Variants in ZNF69 observed in about 807,000 individuals in gnomAD.
The protein encoded by ZNF69 is zinc finger protein 69.
A neutral mutation model predicts 50.9 loss-of-function variants in ZNF69; 47 were observed. The observed-to-expected ratio is 0.92, with a 90% CI of 0.73 to 1.18. ZNF69 has a LOEUF of 1.18. Among genes scored for constraint, ZNF69 ranks in the 50% most tolerant of loss-of-function variants. The pLI is 0.00. For synonymous variants in ZNF69, 216 were observed against 223.1 expected, an observed-to-expected ratio of 0.97 and a Z score of 0.29; for missense variants, 717 against 675.1, an observed-to-expected ratio of 1.06 and a Z score of -0.69.
At chr19:11,944,167 G>C in the ZNF69 span, among the ~76,000 whole-genome samples, 1 of 152,138 alleles carries the variant, frequency 6.6e-6, no homozygotes, top group African/African-American at 2.4e-5. Context: ...GAGATTGTTC[G>C]TGTAATTTTT....
the ZNF69 span, among the ~76,000 whole-genome samples, chr19:11,962,970 C>A: frequency 6.6e-6 from 1 of 152,034 alleles, no homozygotes; most frequent in Non-Finnish European, 1.5e-5. Context: ...GTAGGCCAAG[C>A]CTCTTATGTG....
the ZNF69 span, among the ~76,000 whole-genome samples, chr19:11,967,654 C>T: frequency 2.6e-5 from 4 of 152,188 alleles, no homozygotes; most frequent in Non-Finnish European, 4.4e-5. Context: ...CCACCCACCT[C>T]GGCCTCCCAA....
chr19:11,934,097 T>C, the ZNF69 span, among the ~76,000 whole-genome samples: 1 of 147,888 alleles, frequency 6.8e-6, no homozygotes, highest in Non-Finnish European at 1.5e-5. Flanking sequence ...AATTCCCAGC[T>C]ACATGGGAGA....
chr19:11,931,022 A>T, the ZNF69 span, among the ~76,000 whole-genome samples: 1 of 147,120 alleles, frequency 6.8e-6, no homozygotes, highest in Admixed American at 6.7e-5. Context: ...AACAACATAG[A>T]TGCCCTCGTT....
chr19:11,960,293 C>A, the ZNF69 span, among the ~76,000 whole-genome samples: 21 of 152,310 alleles, frequency 1.4e-4, no homozygotes, highest in African/African-American at 5.1e-4. Context: ...GCTGGGATTA[C>A]AGGCGTGCGC....
At chr19:11,971,231 G>T in the ZNF69 span, among the ~76,000 whole-genome samples, 4 of 152,194 alleles carry the variant, frequency 2.6e-5, no homozygotes, top group African/African-American at 7.2e-5. Flanking sequence ...CCGCTTCCTG[G>T]TTTGCAGATG....
chr19:11,892,750 G>A (rs1483804661), intron 1 of ZNF69, among the ~76,000 whole-genome samples: 2 of 152,212 alleles, frequency 1.3e-5, no homozygotes, highest in South Asian at 2.1e-4. Flanking sequence ...CTGGCTATGT[G>A]AAAGCTGTGT....
chr19:11,917,572 G>GT (rs1268408422), downstream of ZNF69, among the ~76,000 whole-genome samples: 2 of 151,984 alleles, frequency 1.3e-5, no homozygotes, highest in East Asian at 1.9e-4. Flanking sequence ...CCTCCCTTTT[G>GT]TTTTTTTACA....
At chr19:11,935,362 G>C in the ZNF69 span, among the ~76,000 whole-genome samples, 1 of 149,666 alleles carries the variant, frequency 6.7e-6, no homozygotes, top group Non-Finnish European at 1.5e-5. Context: ...TCAGCCTCCA[G>C]AGTAGGTGGG....
the ZNF69 span, among the ~76,000 whole-genome samples, chr19:11,958,192 C>G: frequency 6.6e-6 from 1 of 152,112 alleles, no homozygotes; most frequent in Non-Finnish European, 1.5e-5. Context: ...TTTGACTCGT[C>G]CTGAGTTGTA....
At chr19:11,948,221 A>T in the ZNF69 span, 20 of 1,558,210 alleles carry the variant, frequency 1.3e-5, no homozygotes, top group South Asian at 2.4e-4. Context: ...CTTGTTGATT[A>T]ATATAGAAGT....
At chr19:11,968,512 G>A in the ZNF69 span, among the ~76,000 whole-genome samples, 1 of 152,162 alleles carries the variant, frequency 6.6e-6, no homozygotes, top group Non-Finnish European at 1.5e-5. Context: ...AAAGTGCTGG[G>A]ATTATAGACA....
the ZNF69 span, chr19:11,956,785 C>T: frequency 2.7e-5 from 10 of 373,340 alleles, no homozygotes; most frequent in African/African-American, 4.2e-5. Flanking sequence ...GAACTCGGGG[C>T]GGAGGCTGCA....
At chr19:11,911,870 G>C (rs1210599767) in intron 4 of ZNF69, among the ~76,000 whole-genome samples, 1 of 152,150 alleles carries the variant, frequency 6.6e-6, no homozygotes, top group African/African-American at 2.4e-5. Context: ...ATAAATGTAA[G>C]ATATGTGGGA....
the ZNF69 span, among the ~76,000 whole-genome samples, chr19:11,955,291 C>T: frequency 1.3e-5 from 2 of 151,998 alleles, no homozygotes; most frequent in African/African-American, 2.4e-5. Context: ...CGTGAGATAC[C>T]GTGCCCAGCC....
At chr19:11,954,194 G>A in the ZNF69 span, among the ~76,000 whole-genome samples, 16 of 152,260 alleles carry the variant, frequency 1.1e-4, no homozygotes, top group African/African-American at 3.1e-4. Context: ...ACCATTCCAG[G>A]GTAGGAAAGA....
chr19:11,895,847 G>C (rs889946409), intron 1 of ZNF69, among the ~76,000 whole-genome samples: 32 of 152,188 alleles, frequency 2.1e-4, no homozygotes, highest in South Asian at 1.7e-3. Flanking sequence ...ACCATTTGTC[G>C]CTGCTTTTTC....
the ZNF69 span, among the ~76,000 whole-genome samples, chr19:11,944,200 G>A: frequency 1.3e-5 from 2 of 152,190 alleles, no homozygotes; most frequent in South Asian, 4.1e-4. Flanking sequence ...AGCTGTCGCT[G>A]TAACTTAATT....
the ZNF69 span, chr19:11,950,016 A>T: frequency 6.2e-7 from 1 of 1,613,962 alleles, no homozygotes; most frequent in African/African-American, 1.3e-5. Context: ...CTTCTTTTCA[A>T]ATACATGAAA....
Sources: gnomAD v4.1 joint callset for allele counts (sites outside exome capture counted in the v4.1 genomes callset) on GRCh38, gnomAD v4.1.1 for gene constraint, MANE v1.5 for transcripts, NCBI Gene and HGNC (gene_info 2026-07-23, HGNC 2026-07-21) for gene names.